Variants in IRAG1 observed in about 807,000 individuals in gnomAD.
The protein encoded by IRAG1 is IP3R-associated cGMP kinase substrate.
A neutral mutation model predicts 106.2 loss-of-function variants in IRAG1; 62 were observed. The ratio of observed to expected loss-of-function variants is 0.58; its 90% CI spans 0.48 to 0.72. The LOEUF is 0.72. Ranked by LOEUF, IRAG1 falls within the 30% of genes least tolerant of loss-of-function variation. The probability of loss-of-function intolerance (pLI) is 0.00; values close to 1 mark genes in which losing one functional copy is unlikely to be tolerated. For missense variants in IRAG1, 1,064 were observed against 1,140.7 expected, an observed-to-expected ratio of 0.93 and a Z score of 0.97; for synonymous variants, 462 against 443.9, an observed-to-expected ratio of 1.04 and a Z score of -0.51.
At chr11:10,691,433 C>T (rs1862050520) in intron 1 of IRAG1, among the ~76,000 whole-genome samples, 1 of 152,144 alleles carries the variant, frequency 6.6e-6, no homozygotes, top group African/African-American at 2.4e-5. Context: ...GCTGAGGACC[C>T]ATCACGTATA....
At chr11:10,648,508 T>G (rs1036408571) in intron 2 of IRAG1, among the ~76,000 whole-genome samples, 1 of 152,346 alleles carries the variant, frequency 6.6e-6, no homozygotes, top group African/African-American at 2.4e-5. Flanking sequence ...GAGCTTTGCC[T>G]GCCTGGGCGG....
At chr11:10,677,424 TC>T (rs1860772478) in intron 1 of IRAG1, among the ~76,000 whole-genome samples, 1 of 152,052 alleles carries the variant, frequency 6.6e-6, no homozygotes, top group Non-Finnish European at 1.5e-5. Context: ...CCTTTCAGGA[TC>T]CCCTGGGATC....
At chr11:10,635,328 G>C (rs1411153480) in intron 2 of IRAG1, among the ~76,000 whole-genome samples, 1 of 152,168 alleles carries the variant, frequency 6.6e-6, no homozygotes, top group Non-Finnish European at 1.5e-5. Context: ...GTGAGCACCT[G>C]ACTGCCTTTG....
intron 18 of IRAG1, among the ~76,000 whole-genome samples, chr11:10,587,050 C>T (rs1852087315): frequency 6.6e-6 from 1 of 152,182 alleles, no homozygotes; most frequent in Non-Finnish European, 1.5e-5. Context: ...CCTGTGCCCA[C>T]CCTAGGGATT....
chr11:10,646,612 C>T (rs1343201041), intron 2 of IRAG1, among the ~76,000 whole-genome samples: 1 of 152,184 alleles, frequency 6.6e-6, no homozygotes, highest in South Asian at 2.1e-4. Context: ...CACACTCCAA[C>T]CACATCTCAG....
At chr11:10,678,488 G>A (rs532251547) in intron 1 of IRAG1, among the ~76,000 whole-genome samples, 29 of 152,108 alleles carry the variant, frequency 1.9e-4, no homozygotes, top group East Asian at 5.8e-4. Context: ...AAACGATTAC[G>A]TCTGCTTTTT....
intron 1 of IRAG1, among the ~76,000 whole-genome samples, chr11:10,664,112 G>A (rs1859605870): frequency 6.6e-6 from 1 of 152,142 alleles, no homozygotes; most frequent in African/African-American, 2.4e-5. Context: ...CTCTTCCTCA[G>A]GGCCAGCACA....
chr11:10,687,319 G>C (rs1861732723), intron 1 of IRAG1, among the ~76,000 whole-genome samples: 1 of 152,188 alleles, frequency 6.6e-6, no homozygotes, highest in Non-Finnish European at 1.5e-5. Flanking sequence ...GGTGAGTTCT[G>C]AGAAGTACCT....
At chr11:10,687,644 A>T (rs894839541) in intron 1 of IRAG1, 21 of 1,261,556 alleles carry the variant, frequency 1.7e-5, no homozygotes, top group Non-Finnish European at 1.8e-5. Flanking sequence ...AGACTTCACC[A>T]GACACAGATG....
intron 14 of IRAG1, among the ~76,000 whole-genome samples, 160 bp downstream of exon 14, chr11:10,602,960 G>A (rs1854158849): frequency 6.6e-6 from 1 of 152,056 alleles, no homozygotes; most frequent in Non-Finnish European, 1.5e-5. Flanking sequence ...TCAGTGATCT[G>A]CCAAAAATAC....
intron 2 of IRAG1, among the ~76,000 whole-genome samples, chr11:10,644,092 C>G (rs1292103819): frequency 6.6e-6 from 1 of 152,206 alleles, no homozygotes; most frequent in African/African-American, 2.4e-5. Context: ...AATGATGGAG[C>G]ATCAAGCACC....
intron 20 of IRAG1, among the ~76,000 whole-genome samples, chr11:10,579,217 T>C (rs1851144417): frequency 6.6e-6 from 1 of 152,228 alleles, no homozygotes; most frequent in African/African-American, 2.4e-5. Context: ...GGCTGAGACC[T>C]CTGACTTTAG....
At chr11:10,587,180 A>C (rs1281617309) in intron 18 of IRAG1, among the ~76,000 whole-genome samples, 1 of 152,320 alleles carries the variant, frequency 6.6e-6, no homozygotes, top group South Asian at 2.1e-4. Context: ...CCAGGTCAAA[A>C]ATGTTTGTCA....
chr11:10,603,924 A>G (rs1274027533), intron 13 of IRAG1, among the ~76,000 whole-genome samples: 1 of 152,236 alleles, frequency 6.6e-6, no homozygotes, highest in Non-Finnish European at 1.5e-5. Flanking sequence ...CAGAACTATG[A>G]GAAATAAATG....
At chr11:10,609,649 G>A (rs1451226659) in intron 11 of IRAG1, 79 bp downstream of exon 11, 2 of 1,501,028 alleles carry the variant, frequency 1.3e-6, no homozygotes, top group Non-Finnish European at 1.8e-6. Context: ...TAAGACTGGT[G>A]TTCCTCTGTG....
chr11:10,653,422 G>C (rs1378060971), intron 1 of IRAG1, among the ~76,000 whole-genome samples: 1 of 152,138 alleles, frequency 6.6e-6, no homozygotes, highest in Admixed American at 6.5e-5. Flanking sequence ...ACTCTTTCGT[G>C]CTTCTTGTCT....
At chr11:10,674,724 T>C (rs776729967) in intron 1 of IRAG1, among the ~76,000 whole-genome samples, 17 of 152,208 alleles carry the variant, frequency 1.1e-4, no homozygotes, top group East Asian at 3.8e-4. Flanking sequence ...TGAAAGGGAA[T>C]TGAAGCTCAA....
chr11:10,654,621 G>A (rs1036639963), intron 1 of IRAG1, among the ~76,000 whole-genome samples: 1 of 152,214 alleles, frequency 6.6e-6, no homozygotes, highest in African/African-American at 2.4e-5. Flanking sequence ...GAGCCCAGTG[G>A]TAGGAGACGC....
In IRAG1 at chr11:10,591,486, A is replaced by G. The variant is rs536717549; in HGVS notation, c.2240+62T>C. ...TGGGGATAAAAATGGGAGGAAGGAA[A>G]GTAAAATGGGGAAAATTTCCTGAGA... On this transcript the variant is annotated intron_variant, in intron 18 of 20. Coordinates refer to ENST00000423302, the MANE Select transcript of IRAG1 (RefSeq NM_130385.4). 10 of 1,432,960 alleles carry G rather than the reference A, an allele frequency of 7.0e-6. No individual in the cohort carries two copies. The East Asian group carries it at 2.0e-4, about 28-fold the overall frequency. 88.8% of individuals were successfully genotyped at this position (1,432,960 alleles called of 1,614,324 possible). A position where few individuals can be genotyped will look rare whatever the true frequency, so the allele number is the denominator to read the frequency against.
Sources: gnomAD v4.1 joint callset for allele counts (sites outside exome capture counted in the v4.1 genomes callset) on GRCh38, gnomAD v4.1.1 for gene constraint, MANE v1.5 for transcripts, NCBI Gene and HGNC (gene_info 2026-07-23, HGNC 2026-07-21) for gene names.